The following TRERF1 variants were observed in gnomAD, a reference collection of about 807,000 sequenced individuals.
TRERF1 encodes the protein transcriptional-regulating factor 1.
A neutral mutation model predicts 122.9 loss-of-function variants in TRERF1; 27 were observed. The observed-to-expected ratio is 0.22, with a 90% CI of 0.16 to 0.30. The LOEUF (loss-of-function observed/expected upper bound fraction) is 0.30. TRERF1 is among the 10% of genes least tolerant of loss of function. The pLI is 1.00. For synonymous variants in TRERF1, 636 were observed against 641.7 expected (o/e 0.99, Z 0.13); for missense variants, 1,248 against 1,560.3 (o/e 0.80, Z 3.37).
At chr6:42,291,690 C>T (rs1348280273) in intron 4 of TRERF1, among the ~76,000 whole-genome samples, 2 of 151,500 alleles carry the variant, frequency 1.3e-5, no homozygotes, top group Admixed American at 6.6e-5. Flanking sequence ...CCTGCCACCA[C>T]GCCCGGCTGT....
Position 42,408,293 on chromosome 6 carries a change from G to A in TRERF1, c.-454+42884C>T, listed in dbSNP as rs1163030169. Among the ~76,000 whole-genome samples the A allele has an allele frequency of 2.0e-4, 19 of 96,692 alleles. No homozygotes were observed. The East Asian group carries it at 5.9e-3, about 30-fold the overall frequency. The allele number at this position is 96,692 out of a possible 152,430, so 63.4% of individuals were successfully genotyped here. On this transcript the variant is annotated intron_variant, in intron 2 of 17. Coordinates refer to ENST00000372922, the Ensembl canonical transcript of TRERF1. ...TGTATATATACATACACATGTGTGT[G>A]TATGTATATATACATACTCATGTGT... is the stretch of plus-strand genomic sequence containing the variant.
At chr6:42,410,035 C>T (rs1321816989) in intron 2 of TRERF1, among the ~76,000 whole-genome samples, 3 of 152,096 alleles carry the variant, frequency 2.0e-5, no homozygotes, top group African/African-American at 4.8e-5. Context: ...TTTCAGGCAC[C>T]GTGCTGAATA....
At chr6:42,305,015 A>G (rs191878668) in intron 3 of TRERF1, among the ~76,000 whole-genome samples, 93 of 152,274 alleles carry the variant, frequency 6.1e-4, no homozygotes, top group Non-Finnish European at 1.1e-3. Flanking sequence ...AGGCCAAAGA[A>G]CAGCTACTAT....
At chr6:42,379,823 G>A (rs749028473) in intron 2 of TRERF1, among the ~76,000 whole-genome samples, 3 of 152,260 alleles carry the variant, frequency 2.0e-5, no homozygotes, top group Non-Finnish European at 4.4e-5. Flanking sequence ...TTACAGGTGT[G>A]AGCCATCACG....
At position 42,246,570 on chromosome 6, in the gene TRERF1, G is replaced by C. The variant is rs779825165; in HGVS notation, c.2657-26C>G. 6 of 1,543,114 alleles carry C rather than the reference G, an allele frequency of 3.9e-6. No homozygotes were observed. In the South Asian group the frequency reaches 7.2e-5, roughly 18 times the overall value. ...CTACAACAAAACACAAACATCATAAGAACAGCTCACAGTTCCCCCTGCTTT... is the reference window on the plus strand; with the variant it reads ...CTACAACAAAACACAAACATCATAACAACAGCTCACAGTTCCCCCTGCTTT... On this transcript the variant is annotated intron_variant, in intron 13 of 17. Coordinates refer to ENST00000372922, the Ensembl canonical transcript of TRERF1.
At chr6:42,412,000 CTTT>C (rs5875801) in intron 2 of TRERF1, among the ~76,000 whole-genome samples, 1 of 125,282 alleles carries the variant, frequency 8.0e-6, no homozygotes. Flanking sequence ...TTAAAAAATC[CTTT>C]TTTTTTTTTT....
At chr6:42,304,961 C>T (rs919648517) in intron 3 of TRERF1, among the ~76,000 whole-genome samples, 9 of 152,162 alleles carry the variant, frequency 5.9e-5, no homozygotes, top group Admixed American at 3.3e-4. Context: ...GACAAACAGC[C>T]GAATCCCAGA....
At chr6:42,316,613 T>C (rs552118483) in intron 3 of TRERF1, among the ~76,000 whole-genome samples, 13 of 152,350 alleles carry the variant, frequency 8.5e-5, no homozygotes, top group African/African-American at 2.2e-4. Context: ...TTCCTGGGTG[T>C]AGACCAAGCT....
rs182424754 is a variant in TRERF1, at chr6:42,251,035, C to T, written c.2656+3816G>A. ...TTTTTGAGACAGGGTCTCACTCTGTCGCCCAGGTTGGAGTGCAGTGGCGTG... is the reference window on the plus strand; with the variant it reads ...TTTTTGAGACAGGGTCTCACTCTGTTGCCCAGGTTGGAGTGCAGTGGCGTG... On this transcript the variant is annotated intron_variant, in intron 13 of 17. Transcript: ENST00000372922. 7.5e-5 allele frequency among the ~76,000 whole-genome samples: 9 copies of T among 119,642 alleles called. No homozygotes were observed. The East Asian group carries it at 9.9e-4, about 13-fold the overall frequency. 78.5% of individuals were successfully genotyped at this position (119,642 alleles called of 152,430 possible).
intron 3 of TRERF1, among the ~76,000 whole-genome samples, chr6:42,320,614 T>C (rs772227862): frequency 1.4e-4 from 21 of 151,008 alleles, no homozygotes; most frequent in Non-Finnish European, 2.8e-4. Context: ...GTTCAAGCAA[T>C]TCTCCCTACC....
chr6:42,390,776 C>T (rs1008474867), intron 2 of TRERF1, among the ~76,000 whole-genome samples: 1 of 152,150 alleles, frequency 6.6e-6, no homozygotes. Flanking sequence ...GTGGGGAGCA[C>T]ACTGTGTGGG....
chr6:42,396,215 C>A (rs565428237), intron 2 of TRERF1, among the ~76,000 whole-genome samples: 1 of 152,266 alleles, frequency 6.6e-6, no homozygotes, highest in South Asian at 2.1e-4. Context: ...GGCCTCTGCG[C>A]GCTGAAGCTC....
Position 42,273,498 on chromosome 6 carries a change from T to C in TRERF1, c.-258-3650A>G, listed in dbSNP as rs115350955. 9.4e-3 allele frequency among the ~76,000 whole-genome samples: 1,431 copies of C among 152,172 alleles called. 9 individuals are homozygous for C. Among genetic ancestry groups the C allele is most frequent in the Admixed American group, 0.016 (238 of 15,300 alleles). On this transcript the variant is annotated intron_variant, in intron 4 of 17. Coordinates refer to ENST00000372922, the Ensembl canonical transcript of TRERF1. ...GAAGTTCTTACGTTCTCATGAAGCA[T>C]AGTCAGATTGCACCTCGGTCCTGAT... is the stretch of plus-strand genomic sequence containing the variant.
intron 3 of TRERF1, among the ~76,000 whole-genome samples, chr6:42,332,949 C>A (rs1258206365): frequency 1.3e-5 from 2 of 152,030 alleles, no homozygotes; most frequent in African/African-American, 2.4e-5. Flanking sequence ...GTCATTTTCC[C>A]AAAAAATTAT....
intron 13 of TRERF1, among the ~76,000 whole-genome samples, chr6:42,248,467 C>T (rs979120835): frequency 6.6e-6 from 1 of 152,030 alleles, no homozygotes; most frequent in Non-Finnish European, 1.5e-5. Context: ...ATTGTCTTGC[C>T]TCAGCCTCCT....
intron 2 of TRERF1, among the ~76,000 whole-genome samples, chr6:42,424,360 G>A (rs779761883): frequency 5.9e-5 from 9 of 152,196 alleles, no homozygotes; most frequent in Non-Finnish European, 1.2e-4. Flanking sequence ...TAAATTTCTT[G>A]AATGCCAACA....
Position 42,259,826 on chromosome 6 carries a change from C to A in TRERF1, c.1885-103G>T. On this transcript the variant is annotated intron_variant, in intron 8 of 17. Coordinates refer to ENST00000372922, the Ensembl canonical transcript of TRERF1. The surrounding 1 kb of genome is among the most constrained non-coding windows in gnomAD (Gnocchi z 4.9). ...CCTTCTACTGTCTAAGCAGAGAGCC[C>A]TTCTGCTTGACCCCCCCACCCCCAA... The A allele has an allele frequency of 6.7e-7, 1 of 1,494,178 alleles. No homozygotes were observed. The highest frequency in any genetic ancestry group is 9.0e-7 in the Non-Finnish European group (1 of 1,115,222). The allele number at this position is 1,494,178 out of a possible 1,614,324, so 92.6% of individuals were successfully genotyped here.
At chr6:42,317,484 A>G (rs1015536903) in intron 3 of TRERF1, among the ~76,000 whole-genome samples, 1 of 151,856 alleles carries the variant, frequency 6.6e-6, no homozygotes, top group South Asian at 2.1e-4. Context: ...CCTCTCAAGA[A>G]GCTGGGACTA....
intron 3 of TRERF1, among the ~76,000 whole-genome samples, chr6:42,302,709 C>G (rs1434106787): frequency 6.6e-6 from 1 of 152,148 alleles, no homozygotes; most frequent in Non-Finnish European, 1.5e-5. Flanking sequence ...TGTTTATGTA[C>G]AAATAAGTCA....
Sources: gnomAD v4.1 joint callset for allele counts (sites outside exome capture counted in the v4.1 genomes callset) on GRCh38, gnomAD v4.1.1 for gene constraint, Gnocchi (gnomAD v3.1) non-coding constraint, MANE v1.5 for transcripts, NCBI Gene and HGNC (gene_info 2026-07-23, HGNC 2026-07-21) for gene names.